Variants in KHDRBS2 observed in about 807,000 individuals in gnomAD.
KHDRBS2 encodes the protein KH RNA binding domain containing, signal transduction associated 2, also known as KH domain-containing, RNA-binding, signal transduction-associated protein 2.
In KHDRBS2, 26 loss-of-function variants were observed where a neutral mutation model predicts 44.3. That is an observed-to-expected ratio of 0.59 (90% CI 0.43 to 0.81). The LOEUF (loss-of-function observed/expected upper bound fraction) is 0.81. Among genes scored for constraint, KHDRBS2 ranks in the 40% least tolerant of loss-of-function variants. The pLI is 0.00. For missense variants in KHDRBS2, 476 were observed against 433.1 expected (o/e 1.10, Z -0.88); for synonymous variants, 194 against 151.1 (o/e 1.28, Z -2.08).
intron 2 of KHDRBS2, among the ~76,000 whole-genome samples, chr6:62,111,919 C>G (rs999202516): frequency 1.3e-5 from 2 of 151,854 alleles, no homozygotes; most frequent in Non-Finnish European, 2.9e-5. Flanking sequence ...ATTGCTGGGC[C>G]CCAATCATGA....
the KHDRBS2 span, among the ~76,000 whole-genome samples, chr6:61,648,654 T>C: frequency 4.9e-3 from 744 of 152,168 alleles, 6 homozygotes; most frequent in African/African-American, 0.017. Flanking sequence ...AGAAAAGTCA[T>C]AGAAACAGAA....
At chr6:61,887,533 GT>G (rs1801148649) in intron 6 of KHDRBS2, among the ~76,000 whole-genome samples, 1 of 152,164 alleles carries the variant, frequency 6.6e-6, no homozygotes, top group Admixed American at 6.5e-5. Context: ...CTAATGATGG[GT>G]TTAAACAGCA....
chr6:61,750,998 C>T (rs1270001100), intron 6 of KHDRBS2, among the ~76,000 whole-genome samples: 1 of 151,942 alleles, frequency 6.6e-6, no homozygotes, highest in Non-Finnish European at 1.5e-5. Flanking sequence ...TTTTATATTA[C>T]TTTATGTCAT....
chr6:62,186,201 T>C (rs547638122), intron 1 of KHDRBS2, among the ~76,000 whole-genome samples: 23 of 152,098 alleles, frequency 1.5e-4, no homozygotes, highest in Non-Finnish European at 2.8e-4. Flanking sequence ...TTCTAGTTCA[T>C]TTACTTAGTT....
intron 7 of KHDRBS2, among the ~76,000 whole-genome samples, chr6:61,713,017 T>G (rs1770788003): frequency 6.6e-6 from 1 of 151,654 alleles, no homozygotes; most frequent in Admixed American, 6.6e-5. Context: ...AAGCTATTTA[T>G]AATGATTTAT....
the KHDRBS2 span, among the ~76,000 whole-genome samples, chr6:61,582,534 C>A: frequency 6.6e-6 from 1 of 151,460 alleles, no homozygotes; most frequent in African/African-American, 2.4e-5. Flanking sequence ...AGATAAATTT[C>A]TTCAAAGTAT....
the KHDRBS2 span, among the ~76,000 whole-genome samples, chr6:61,672,725 C>A: frequency 6.6e-6 from 1 of 151,568 alleles, no homozygotes; most frequent in Admixed American, 6.6e-5. Context: ...TGTTTGAGTT[C>A]ATTGTAGATT....
intron 3 of KHDRBS2, among the ~76,000 whole-genome samples, chr6:61,993,165 A>T (rs1307513126): frequency 6.6e-6 from 1 of 152,156 alleles, no homozygotes; most frequent in Non-Finnish European, 1.5e-5. Flanking sequence ...AAAGGCCTGG[A>T]TATAGGCTCC....
intron 6 of KHDRBS2, among the ~76,000 whole-genome samples, chr6:61,858,564 C>A (rs1438213329): frequency 6.6e-6 from 1 of 151,910 alleles, no homozygotes; most frequent in Non-Finnish European, 1.5e-5. Flanking sequence ...ATAAGATCAT[C>A]TCTTACTTTA....
chr6:61,730,916 T>A (rs1367684074), intron 7 of KHDRBS2, among the ~76,000 whole-genome samples: 1 of 152,056 alleles, frequency 6.6e-6, no homozygotes, highest in Non-Finnish European at 1.5e-5. Flanking sequence ...TCTTCTTGTT[T>A]CTTAGGGTCA....
At chr6:62,002,917 A>T (rs1778521951) in intron 3 of KHDRBS2, among the ~76,000 whole-genome samples, 1 of 152,058 alleles carries the variant, frequency 6.6e-6, no homozygotes, top group Admixed American at 6.6e-5. Flanking sequence ...GAAAACTGAG[A>T]CAATTAAAAT....
the KHDRBS2 span, among the ~76,000 whole-genome samples, chr6:61,653,425 T>C: frequency 6.6e-6 from 1 of 152,210 alleles, no homozygotes; most frequent in East Asian, 1.9e-4. Flanking sequence ...AACCTTCTAT[T>C]TGAAAATCCT....
chr6:62,258,368 AGT>A (rs1180756988), intron 1 of KHDRBS2, among the ~76,000 whole-genome samples: 2 of 152,082 alleles, frequency 1.3e-5, no homozygotes, highest in Non-Finnish European at 2.9e-5. Context: ...TGTGTTGCTT[AGT>A]TACCCTGAAC....
At chr6:61,814,760 T>A (rs2127241289) in intron 6 of KHDRBS2, among the ~76,000 whole-genome samples, 1 of 152,244 alleles carries the variant, frequency 6.6e-6, no homozygotes. Flanking sequence ...TCTCCCCTTA[T>A]CTGCTGGGGA....
intron 3 of KHDRBS2, among the ~76,000 whole-genome samples, chr6:62,016,205 T>C (rs1338261509): frequency 6.6e-6 from 1 of 152,122 alleles, no homozygotes; most frequent in African/African-American, 2.4e-5. Flanking sequence ...CAGGATATAT[T>C]TAATAGTAGA....
intron 4 of KHDRBS2, among the ~76,000 whole-genome samples, chr6:61,950,395 G>A (rs1764504773): frequency 6.6e-6 from 1 of 151,926 alleles, no homozygotes; most frequent in Non-Finnish European, 1.5e-5. Context: ...GTAGAATGTT[G>A]AAATGCTCAC....
intron 8 of KHDRBS2, among the ~76,000 whole-genome samples, chr6:61,683,638 C>T (rs1370021483): frequency 6.6e-6 from 1 of 151,856 alleles, no homozygotes; most frequent in Non-Finnish European, 1.5e-5. Context: ...AAAGATCAGA[C>T]TTCTTACTCA....
At chr6:62,239,565 C>A (rs1834250519) in intron 1 of KHDRBS2, among the ~76,000 whole-genome samples, 2 of 120,842 alleles carry the variant, frequency 1.7e-5, no homozygotes, top group Admixed American at 1.6e-4. Context: ...AGAGTTAGAC[C>A]CCATCTCAAT....
At chr6:61,981,277 CAA>C (rs1773789526) in intron 3 of KHDRBS2, among the ~76,000 whole-genome samples, 1 of 152,094 alleles carries the variant, frequency 6.6e-6, no homozygotes, top group Non-Finnish European at 1.5e-5. Context: ...GTTAAAACAA[CAA>C]AGTTTTCTTG....
Sources: allele counts gnomAD v4.1 joint callset (sites outside exome capture counted in the v4.1 genomes callset), GRCh38; gene constraint gnomAD v4.1.1; transcripts MANE v1.5; gene names NCBI Gene and HGNC (gene_info 2026-07-23, HGNC 2026-07-21).